TMPRSS2: variants seen among roughly 807,000 people sequenced by gnomAD.
TMPRSS2 encodes the protein transmembrane serine protease 2.
Under a neutral mutation model 67.4 loss-of-function variants are expected in TMPRSS2, and 59 were observed. The ratio of observed to expected loss-of-function variants is 0.88; its 90% CI spans 0.71 to 1.09. The LOEUF is 1.09. Among genes scored for constraint, TMPRSS2 ranks in the 50% least tolerant of loss-of-function variants. The pLI is 0.00. For synonymous variants in TMPRSS2, 257 were observed against 257.0 expected (o/e 1.00, Z 0.00); for missense variants, 668 against 642.7 (o/e 1.04, Z -0.43).
At chr21:41,498,316 A>T in intron 1 of TMPRSS2, 127 bp from the exon 2 acceptor site, 1 of 623,638 alleles carries the variant, frequency 1.6e-6, no homozygotes, top group Admixed American at 3.0e-5. Flanking sequence ...TTGCCTGCTG[A>T]CCTTTGGCCT....
At chr21:41,493,036 CG>C (rs763593355) in intron 3 of TMPRSS2, among the ~76,000 whole-genome samples, 11 of 152,174 alleles carry the variant, frequency 7.2e-5, no homozygotes, top group Non-Finnish European at 1.5e-4. Context: ...TTGTGCCTTG[CG>C]GGAGGTTGAG....
chr21:41,502,970 C>T (rs920094451), intron 1 of TMPRSS2, among the ~76,000 whole-genome samples: 1 of 152,242 alleles, frequency 6.6e-6, no homozygotes, highest in South Asian at 2.1e-4. Flanking sequence ...GTTCTTACCA[C>T]CTGTACCCCA....
In TMPRSS2 at chr21:41,506,137, C is replaced by A. The variant is rs529550811; in HGVS notation, c.-57+1944G>T. ...CTTGAGTTCAAGATAGAGTGGCCAA[C>A]GGTGCCAGGCAGGCCAGCACCTAGC... On this transcript the variant is annotated intron_variant, in intron 1 of 13. Transcript: ENST00000332149. 1.7e-3 allele frequency among the ~76,000 whole-genome samples: 257 copies of A among 152,338 alleles called. 1 individual carries two copies. The highest frequency in any genetic ancestry group is 6.0e-3 in the African/African-American group (251 of 41,578).
intron 5 of TMPRSS2, among the ~76,000 whole-genome samples, chr21:41,483,863 T>G (rs1416629742): frequency 6.6e-6 from 1 of 151,814 alleles, no homozygotes; most frequent in Non-Finnish European, 1.5e-5. Flanking sequence ...GGTGCTGTGG[T>G]TCATGCCTGT....
chr21:41,472,360 T>G (rs1225542195), intron 9 of TMPRSS2, among the ~76,000 whole-genome samples: 1 of 152,194 alleles, frequency 6.6e-6, no homozygotes. Context: ...TGGATACTAA[T>G]GAACAGACTT....
rs549676267 is a variant in TMPRSS2 at position 41,477,564 on chromosome 21, C to T, written c.684-944G>A. On this transcript the variant is annotated intron_variant, in intron 7 of 13. Transcript: ENST00000332149. ...GCTTCCTCCAACCACCCCCAAACCA[C>T]CTTGCAGGAGCCCAGGCCCTACAAT... Among the ~76,000 whole-genome samples, 6 of 152,304 alleles carry T rather than the reference C, an allele frequency of 3.9e-5. No homozygotes were observed. The South Asian group carries it at 1.0e-3, about 26-fold the overall frequency.
chr21:41,500,849 A>G (rs909717025), intron 1 of TMPRSS2, among the ~76,000 whole-genome samples: 2 of 152,224 alleles, frequency 1.3e-5, no homozygotes, highest in Non-Finnish European at 2.9e-5. Flanking sequence ...CTCAGGCTTG[A>G]CAACACAATA....
At chr21:41,484,835 G>C (rs541582530) in intron 5 of TMPRSS2, among the ~76,000 whole-genome samples, 1 of 152,174 alleles carries the variant, frequency 6.6e-6, no homozygotes, top group East Asian at 1.9e-4. Flanking sequence ...GTGCGTCCAT[G>C]CAAAGGACCA....
intron 9 of TMPRSS2, among the ~76,000 whole-genome samples, chr21:41,472,839 T>C (rs1156864820): frequency 6.6e-6 from 1 of 152,156 alleles, no homozygotes; most frequent in African/African-American, 2.4e-5. Flanking sequence ...GGTGGTAGCG[T>C]CCATAAATGC....
At position 41,471,942 on chromosome 21, in the gene TMPRSS2, C is replaced by T; in HGVS notation, c.939G>A (p.Gly313=). ...NNPWHWTAFA[G]ILRQSFMFYG... ...AGAACATGAAAGATTGTCTCAAAATCCCCGCAAATGCCGTCCAATGCCATG... is the reference window on the plus strand; with the variant it reads ...AGAACATGAAAGATTGTCTCAAAATTCCCGCAAATGCCGTCCAATGCCATG... Residue 313 remains glycine (G), a synonymous_variant, in exon 10 of 14, where the codon GGG becomes GGA. Transcript: ENST00000332149. 6.2e-7 allele frequency: 1 copy of T among 1,612,932 alleles called. No homozygotes were observed. Among genetic ancestry groups the T allele is most frequent in the South Asian group, 1.1e-5 (1 of 91,054 alleles).
chr21:41,473,020 T>C (rs867934063), intron 9 of TMPRSS2, among the ~76,000 whole-genome samples: 3 of 152,034 alleles, frequency 2.0e-5, no homozygotes, highest in African/African-American at 7.2e-5. Flanking sequence ...GGGCAGGGGC[T>C]TTGCTCAAGG....
intron 9 of TMPRSS2, 26 bp downstream of exon 9, chr21:41,473,299 C>T (rs376175175): frequency 1.9e-6 from 3 of 1,555,070 alleles, no homozygotes; most frequent in Non-Finnish European, 8.7e-7. Flanking sequence ...TGAGCCCCCA[C>T]CCGGCCCGCG....
At chr21:41,472,094 C>CA (rs1458462311) in intron 9 of TMPRSS2, 113 bp from the exon 10 acceptor site, 2 of 1,042,128 alleles carry the variant, frequency 1.9e-6, no homozygotes, top group East Asian at 4.9e-5. Flanking sequence ...GATGGTTCAC[C>CA]AAAAACCACA....
chr21:41,467,027 G>A (rs931747026), intron 13 of TMPRSS2, among the ~76,000 whole-genome samples: 3 of 152,138 alleles, frequency 2.0e-5, no homozygotes, highest in Non-Finnish European at 2.9e-5. Context: ...GGCTGCCCAG[G>A]AGCCACTCGA....
In TMPRSS2 at chr21:41,503,693, G is replaced by A. The variant is rs146120690; in HGVS notation, c.-57+4388C>T. The stretch of plus-strand genomic sequence containing the variant: ...GCCTGGAGCTACCTTAGAATGTACC[G>A]AATTCCTCAAACCTAAAAATGTATG... On this transcript the variant is annotated intron_variant, in intron 1 of 13. Coordinates refer to ENST00000332149, the MANE Select transcript of TMPRSS2 (RefSeq NM_005656.4). Among the ~76,000 whole-genome samples the A allele has an allele frequency of 5.5e-4, 83 of 152,228 alleles. No individual in the cohort carries two copies. In the East Asian group the frequency reaches 0.013, roughly 23 times the overall value.
chr21:41,499,498 G>A (rs961815272), intron 1 of TMPRSS2, among the ~76,000 whole-genome samples: 2 of 152,082 alleles, frequency 1.3e-5, no homozygotes, highest in Non-Finnish European at 2.9e-5. Flanking sequence ...ATATCTGATC[G>A]GGTTCCTCAG....
At position 41,480,602 on chromosome 21, in the gene TMPRSS2, A is replaced by G; in HGVS notation, c.446T>C (p.Val149Ala). The G allele has an allele frequency of 1.2e-6, 2 of 1,613,502 alleles. No homozygotes were observed. Among genetic ancestry groups the G allele is most frequent in the Non-Finnish European group, 1.7e-6 (2 of 1,179,998 alleles). The part of the protein sequence containing the change: ...CPGGEDENRC[V>A]RLYGPNFILQ... ...GATGAAGTTTGGTCCGTAGAGGCGA[A>G]CTGCACGAGAGGGAGGATTATCCAT... The change falls in exon 6 of 14, where the codon GTT becomes GCT. Residue 149 changes from valine to alanine, a missense_variant and splice_region_variant. Physicochemically the swap from Val to Ala is moderately conservative, Grantham distance 64. Coordinates refer to ENST00000332149, the MANE Select transcript of TMPRSS2 (RefSeq NM_005656.4).
At chr21:41,468,658 G>C in intron 11 of TMPRSS2, 120 bp from the exon 12 acceptor site, 1 of 1,170,004 alleles carries the variant, frequency 8.5e-7, no homozygotes, top group Non-Finnish European at 1.2e-6. Flanking sequence ...CTATTTTCCA[G>C]CCCTGCCCCG....
intron 11 of TMPRSS2, chr21:41,468,767 G>A: frequency 2.0e-6 from 1 of 494,340 alleles, no homozygotes; most frequent in South Asian, 3.5e-5. Context: ...TTCAGCTTCA[G>A]GGAAAGAAAT....
Sources: allele counts gnomAD v4.1 joint callset (sites outside exome capture counted in the v4.1 genomes callset), GRCh38; gene constraint gnomAD v4.1.1; transcripts MANE v1.5; gene names NCBI Gene and HGNC (gene_info 2026-07-23, HGNC 2026-07-21).